The following COL23A1 variants were observed in gnomAD, a reference collection of about 807,000 sequenced individuals.
COL23A1 encodes the protein collagen alpha-1(XXIII) chain.
A neutral mutation model predicts 99.3 loss-of-function variants in COL23A1; 97 were observed. The observed-to-expected ratio is 0.98, with a 90% CI of 0.83 to 1.16. The LOEUF is 1.16. Among genes scored for constraint, COL23A1 ranks in the 50% most tolerant of loss-of-function variants. COL23A1 has a pLI of 0.00. For missense variants in COL23A1, 762 were observed against 757.4 expected, an observed-to-expected ratio of 1.01 and a Z score of -0.07; for synonymous variants, 320 against 308.2, an observed-to-expected ratio of 1.04 and a Z score of -0.40.
At chr5:178,494,632 A>G (rs1199495736) in intron 2 of COL23A1, among the ~76,000 whole-genome samples, 2 of 152,196 alleles carry the variant, frequency 1.3e-5, no homozygotes, top group Non-Finnish European at 2.9e-5. Flanking sequence ...CCGAGATTGC[A>G]CCATTGCACT....
chr5:178,437,732 G>A (rs1766638735), intron 2 of COL23A1, among the ~76,000 whole-genome samples: 1 of 152,128 alleles, frequency 6.6e-6, no homozygotes, highest in Non-Finnish European at 1.5e-5. Flanking sequence ...GCCCCTCTGT[G>A]GCCAGACCTA....
At chr5:178,454,786 C>T (rs1196967998) in intron 2 of COL23A1, among the ~76,000 whole-genome samples, 3 of 152,236 alleles carry the variant, frequency 2.0e-5, no homozygotes, top group African/African-American at 7.2e-5. Flanking sequence ...TTCATTAATC[C>T]TTTATTGCGT....
rs762608174 is a variant in COL23A1, at chr5:178,560,627, C to T, written c.361+55G>A. The T allele has an allele frequency of 3.9e-6, 6 of 1,540,624 alleles. No individual in the cohort carries two copies. In the African/African-American group the frequency reaches 8.2e-5, roughly 21 times the overall value. On this transcript the variant is annotated intron_variant, in intron 2 of 28. Transcript: ENST00000390654. ...CCGGACCATGCTGTTCTCAGCAATC[C>T]CAAGCAAACGGCGGCCGAACGCAGG... is the stretch of plus-strand genomic sequence containing the variant.
At chr5:178,390,438 A>T (rs1408541519) in intron 2 of COL23A1, among the ~76,000 whole-genome samples, 2 of 152,176 alleles carry the variant, frequency 1.3e-5, no homozygotes, top group Non-Finnish European at 2.9e-5. Context: ...AGAGCTGACC[A>T]AGCCCCTCTA....
intron 2 of COL23A1, among the ~76,000 whole-genome samples, chr5:178,516,772 C>A (rs2127999577): frequency 6.6e-6 from 1 of 152,300 alleles, no homozygotes; most frequent in South Asian, 2.1e-4. Flanking sequence ...CCCCCAGGCT[C>A]CCCAGATGCT....
intron 2 of COL23A1, among the ~76,000 whole-genome samples, chr5:178,546,307 A>C (rs1450944789): frequency 6.6e-6 from 1 of 151,958 alleles, no homozygotes; most frequent in Non-Finnish European, 1.5e-5. Context: ...ACCACCCTGC[A>C]CCCCATCCTT....
chr5:178,498,040 T>C (rs1430374813), intron 2 of COL23A1, among the ~76,000 whole-genome samples: 2 of 151,112 alleles, frequency 1.3e-5, no homozygotes, highest in African/African-American at 4.9e-5. Context: ...ACAACAACAG[T>C]ACCCAACATC....
chr5:178,509,287 T>G (rs892508344), intron 2 of COL23A1, among the ~76,000 whole-genome samples: 1 of 151,388 alleles, frequency 6.6e-6, no homozygotes, highest in Non-Finnish European at 1.5e-5. Context: ...AGTGACGCAA[T>G]CTCAGCTCAC....
Position 178,589,991 on chromosome 5 carries a change from C to A in COL23A1, c.207G>T (p.Glu69Asp). ...CGCGCCGCAGCAGCTCCCGCTCCTC[C>A]TCGAGCGCCGCCACCCGGCCCTGCA... The part of the protein sequence containing the change: ...AALQGRVAAL[E>D]EERELLRRAG... Residue 69 changes from glutamate to aspartate, a missense_variant, in exon 1 of 29, where the codon GAG (glutamate) becomes GAT (aspartate). Coordinates refer to ENST00000390654, the MANE Select transcript of COL23A1 (RefSeq NM_173465.4). This position sits in a 1 kb window ranked among gnomAD's most constrained non-coding sequence, Gnocchi z 5.4. 1 of 1,344,210 alleles carries A rather than the reference C, an allele frequency of 7.4e-7. No homozygotes were observed. The highest frequency in any genetic ancestry group is 1.9e-5 in the South Asian group (1 of 53,866). The allele number at this position is 1,344,210 out of a possible 1,614,324, so 83.3% of individuals were successfully genotyped here.
intron 2 of COL23A1, among the ~76,000 whole-genome samples, chr5:178,383,583 G>A (rs1763499649): frequency 6.6e-6 from 1 of 152,220 alleles, no homozygotes; most frequent in Non-Finnish European, 1.5e-5. Flanking sequence ...GTTGTTTCTT[G>A]GGGAGGTGGG....
intron 2 of COL23A1, among the ~76,000 whole-genome samples, chr5:178,505,777 G>A (rs1270787169): frequency 1.3e-5 from 2 of 152,174 alleles, no homozygotes; most frequent in Non-Finnish European, 2.9e-5. Flanking sequence ...GGAGGACTAT[G>A]GTGGGGACTT....
chr5:178,255,167 G>C lies in COL23A1; in HGVS notation c.883-141C>G. On this transcript the variant is annotated intron_variant, in intron 15 of 28. Coordinates refer to ENST00000390654, the MANE Select transcript of COL23A1 (RefSeq NM_173465.4). This position sits in a 1 kb window ranked among gnomAD's most constrained non-coding sequence, Gnocchi z 4.2. The stretch of plus-strand genomic sequence containing the variant: ...CAGGCTGCACGCATGCCCCTCCCCA[G>C]GGTGGATGGAGGGAACGGGAGGCAG... 2.9e-6 allele frequency: 2 copies of C among 700,668 alleles called. No individual in the cohort carries two copies. Among genetic ancestry groups the C allele is most frequent in the East Asian group, 5.4e-5 (2 of 37,030 alleles). 43.4% of individuals were successfully genotyped at this position (700,668 alleles called of 1,614,324 possible). A position where few individuals can be genotyped will look rare whatever the true frequency, so the allele number is the denominator to read the frequency against.
intron 2 of COL23A1, among the ~76,000 whole-genome samples, chr5:178,445,720 T>C (rs1767120952): frequency 6.6e-6 from 1 of 151,984 alleles, no homozygotes; most frequent in Non-Finnish European, 1.5e-5. Flanking sequence ...TTAGAAGCAC[T>C]AGAAGAAAAT....
At chr5:178,513,211 A>G (rs938445616) in intron 2 of COL23A1, among the ~76,000 whole-genome samples, 1 of 152,208 alleles carries the variant, frequency 6.6e-6, no homozygotes, top group African/African-American at 2.4e-5. Flanking sequence ...GGTGGTGGCG[A>G]TAATAGCTAA....
chr5:178,268,813 C>G lies in COL23A1; in HGVS notation c.469-57G>C. On this transcript the variant is annotated intron_variant, in intron 6 of 28. Transcript: ENST00000390654. ...TGAGTGAGGGGCCTAGGCTGGCTCC[C>G]CTTCTGGCTTCCCTATACCTCTGAG... is the stretch of plus-strand genomic sequence containing the variant. 4 of 1,559,868 alleles carry G rather than the reference C, an allele frequency of 2.6e-6. No individual in the cohort carries two copies. In the South Asian group the frequency reaches 4.8e-5, roughly 19 times the overall value.
rs555726318 is a variant in COL23A1, at chr5:178,494,040, T to C, written c.361+66642A>G. Among the ~76,000 whole-genome samples, 15 of 152,358 alleles carry C rather than the reference T, an allele frequency of 9.8e-5. No individual in the cohort carries two copies. In the South Asian group the frequency reaches 1.2e-3, roughly 13 times the overall value. On this transcript the variant is annotated intron_variant, in intron 2 of 28. Coordinates refer to ENST00000390654, the MANE Select transcript of COL23A1 (RefSeq NM_173465.4). ...CCCCTCTCTCCTGTATGTGGGAACA[T>C]GAAGGTTTGTTTTGGCATTCAGATC...
At chr5:178,270,963 T>C (rs950320246) in intron 5 of COL23A1, among the ~76,000 whole-genome samples, 6 of 152,242 alleles carry the variant, frequency 3.9e-5, no homozygotes, top group African/African-American at 9.6e-5. Flanking sequence ...CATTTGTAAC[T>C]GGCAGAGTCT....
Position 178,384,531 on chromosome 5 carries a change from G to A in COL23A1, c.362-77612C>T, listed in dbSNP as rs553521876. Among the ~76,000 whole-genome samples the A allele has an allele frequency of 2.6e-5, 4 of 151,948 alleles. No homozygotes were observed. The highest frequency in any genetic ancestry group is 4.2e-4 in the South Asian group (2 of 4,790). ...GTGCATCCCTCTCCAGCGGCCCACC[G>A]GGCACTGTGCAGGGGCCGGCGTGCC... On this transcript the variant is annotated intron_variant, in intron 2 of 28. Transcript: ENST00000390654. The surrounding 1 kb of genome is among the most constrained non-coding windows in gnomAD (Gnocchi z 5.5).
At chr5:178,549,308 C>A (rs933663644) in intron 2 of COL23A1, among the ~76,000 whole-genome samples, 1 of 149,998 alleles carries the variant, frequency 6.7e-6, no homozygotes, top group African/African-American at 2.5e-5. Context: ...ACAAATACTT[C>A]TTGAAAAAAA....
Sources: gnomAD v4.1 joint callset for allele counts (sites outside exome capture counted in the v4.1 genomes callset) on GRCh38, gnomAD v4.1.1 for gene constraint, Gnocchi (gnomAD v3.1) non-coding constraint, MANE v1.5 for transcripts, NCBI Gene and HGNC (gene_info 2026-07-23, HGNC 2026-07-21) for gene names.